The following MPRIP variants were observed in gnomAD, a reference collection of about 807,000 sequenced individuals.
MPRIP encodes the protein myosin phosphatase Rho-interacting protein.
MPRIP carries 59 observed loss-of-function variants against 234.9 expected under a neutral mutation model. The ratio of observed to expected loss-of-function variants is 0.25; its 90% CI spans 0.20 to 0.31. The LOEUF (loss-of-function observed/expected upper bound fraction) is 0.31. Ranked by LOEUF, MPRIP falls within the 10% of genes least tolerant of loss-of-function variation. The pLI, the probability that MPRIP is intolerant of heterozygous loss-of-function variation, is 1.00. For synonymous variants in MPRIP, 1,144 were observed against 1,263.9 expected, an observed-to-expected ratio of 0.91 and a Z score of 2.01; for missense variants, 2,436 against 3,071.0, an observed-to-expected ratio of 0.79 and a Z score of 4.89.
chr17:17,167,184 C>T lies in MPRIP; in HGVS notation c.5593C>T (p.Leu1865Phe), dbSNP rs1476688296. ...GCTAGAATATGAGAAGGAGCTCCAGCTCTGCAAGGAGTCCTGGCAAACCCG... is the reference window on the plus strand; with the variant it reads ...GCTAGAATATGAGAAGGAGCTCCAGTTCTGCAAGGAGTCCTGGCAAACCCG... ...IRLEYEKELQ[L>F]CKESWQTREP... Residue 1865 changes from leucine (L) to phenylalanine (F), a missense_variant, in exon 16 of 24, where the codon CTC (leucine) becomes TTC (phenylalanine). Around this residue, in one of 4 missense-constraint regions of MPRIP, gnomAD observed 1,998 missense variants for 2,520.3 expected, o/e 0.79. Coordinates refer to ENST00000651222, the MANE Select transcript of MPRIP (RefSeq NM_001364716.4). The surrounding 1 kb of genome is among the most constrained non-coding windows in gnomAD (Gnocchi z 5.9). 4.6e-6 allele frequency: 6 copies of T among 1,303,968 alleles called. No homozygotes were observed. The highest frequency in any genetic ancestry group is 1.5e-5 in the African/African-American group (1 of 65,814). 80.8% of individuals were successfully genotyped at this position (1,303,968 alleles called of 1,614,324 possible). A position where few individuals can be genotyped will look rare whatever the true frequency, so the allele number is the denominator to read the frequency against.
Position 17,186,566 on chromosome 17 carries a change from A to G in MPRIP, c.*1672A>G, listed in dbSNP as rs2046479066. On this transcript the variant is annotated 3_prime_UTR_variant, in exon 24 of 24. Transcript: ENST00000651222. ...GAAAATTGGGTTTGTTTAAAAATCT[A>G]CTTCTCTGAGGTGGCACAGTTGCGT... The G allele has an allele frequency of 6.6e-6, 1 of 152,176 alleles. No homozygotes were observed. Among genetic ancestry groups the G allele is most frequent in the Non-Finnish European group, 1.5e-5 (1 of 68,036 alleles). The allele number at this position is 152,176 out of a possible 1,614,324, so 9.4% of individuals were successfully genotyped here.
chr17:17,174,172 C>T, intron 19 of MPRIP, 97 bp downstream of exon 19: 1 of 1,415,098 alleles, frequency 7.1e-7, no homozygotes, highest in Non-Finnish European at 9.6e-7. Flanking sequence ...TGGAGCCAGG[C>T]CTCACCCTCA....
intron 9 of MPRIP, among the ~76,000 whole-genome samples, chr17:17,145,550 G>A (rs1300041882): frequency 1.3e-5 from 2 of 152,216 alleles, no homozygotes; most frequent in Admixed American, 6.5e-5. Flanking sequence ...GAAATGGCCT[G>A]AGGGTCTCAG....
chr17:17,088,331 A>G (rs185416837), intron 3 of MPRIP, among the ~76,000 whole-genome samples: 60 of 152,358 alleles, frequency 3.9e-4, no homozygotes, highest in Admixed American at 2.5e-3. Context: ...GGTACCCTGC[A>G]GCGTGAAGGC....
chr17:17,167,265 G>A lies in MPRIP; in HGVS notation c.5674G>A (p.Glu1892Lys), dbSNP rs1360498278. The part of the protein sequence containing the change: ...QAARALREEY[E>K]ELLRKQKSEY... ...AGCCCGGGCCCTGAGGGAGGAGTAT[G>A]AGGAGCTTCTCCGCAAGCAGAAGAG... The change falls in exon 16 of 24, where the codon GAG becomes AAG. Residue 1892 changes from glutamate (E) to lysine (K), a missense_variant. Coordinates refer to ENST00000651222, the MANE Select transcript of MPRIP (RefSeq NM_001364716.4). The surrounding 1 kb of genome is among the most constrained non-coding windows in gnomAD (Gnocchi z 5.9). 5 of 1,303,994 alleles carry A rather than the reference G, an allele frequency of 3.8e-6. No homozygotes were observed. The highest frequency in any genetic ancestry group is 1.1e-4 in the East Asian group (2 of 17,968). The allele number at this position is 1,303,994 out of a possible 1,614,324, so 80.8% of individuals were successfully genotyped here.
chr17:17,045,224 GGGAGGTGGTGGGCA>G (rs926391926), intron 1 of MPRIP, among the ~76,000 whole-genome samples: 21 of 152,236 alleles, frequency 1.4e-4, no homozygotes, highest in African/African-American at 4.6e-4. Context: ...ACTGGGCCCA[GGGAGGTGGTGGGCA>G]GCCTTGGCCG....
chr17:17,153,662 C>T (rs2045659711), intron 12 of MPRIP, among the ~76,000 whole-genome samples: 1 of 151,668 alleles, frequency 6.6e-6, no homozygotes. Context: ...CTCCCCAACC[C>T]AACCAGCCAG....
Position 17,191,979 on chromosome 17 carries a change from C to T in MPRIP, c.*7085C>T, listed in dbSNP as rs1049418449. On this transcript the variant is annotated 3_prime_UTR_variant, in exon 24 of 24. Transcript: ENST00000651222. ...GGTACAATTTATAAAAGGTAGAAAG[C>T]ATCCAAGTGGCTCCTCAACAATTAC... 8 of 152,182 alleles carry T rather than the reference C, an allele frequency of 5.3e-5. No homozygotes were observed. Among genetic ancestry groups the T allele is most frequent in the African/African-American group, 1.9e-4 (8 of 41,458 alleles). The allele number at this position is 152,182 out of a possible 1,614,324, so 9.4% of individuals were successfully genotyped here.
At chr17:17,060,783 C>T (rs2088845794) in intron 1 of MPRIP, among the ~76,000 whole-genome samples, 1 of 152,174 alleles carries the variant, frequency 6.6e-6, no homozygotes, top group African/African-American at 2.4e-5. Flanking sequence ...GGCTGTAGCT[C>T]CATCTTTAGT....
rs201908845 is a variant in MPRIP, at chr17:17,184,920, C to T, written c.*26C>T. ...GTGTGTCCCATCCAAGTTGAGCACG[C>T]GCCTTCCCCAGCTTGCAGCAGCACA... On this transcript the variant is annotated 3_prime_UTR_variant, in exon 24 of 24. Transcript: ENST00000651222. The T allele has an allele frequency of 4.0e-5, 62 of 1,558,482 alleles. No individual in the cohort carries two copies. The highest frequency in any genetic ancestry group is 2.2e-4 in the Middle Eastern group (1 of 4,496).
Position 17,171,731 on chromosome 17 carries a change from G to A in MPRIP, c.6338G>A (p.Arg2113Gln), listed in dbSNP as rs759725245. 2.2e-5 allele frequency: 35 copies of A among 1,612,858 alleles called. No homozygotes were observed. The highest frequency in any genetic ancestry group is 2.6e-5 in the Non-Finnish European group (31 of 1,179,992). ...DLESLKATCE[R>Q]GFAAMEETHQ... Reference sequence around the variant, plus strand: ...TGCATTTTGCAGGCCACGTGCGAGCGAGGGTTTGCAGCAATGGAAGAAACG... The same window carrying A: ...TGCATTTTGCAGGCCACGTGCGAGCAAGGGTTTGCAGCAATGGAAGAAACG... Residue 2113 changes from arginine (R) to glutamine (Q), a missense_variant, in exon 17 of 24, where the codon CGA becomes CAA. Physicochemically the swap from Arg to Gln is conservative, Grantham distance 43. Coordinates refer to ENST00000651222, the MANE Select transcript of MPRIP (RefSeq NM_001364716.4).
chr17:17,077,920 T>C, intron 2 of MPRIP, 91 bp from the exon 3 acceptor site: 2 of 1,264,022 alleles, frequency 1.6e-6, no homozygotes, highest in East Asian at 4.7e-5. Context: ...CTTCCTTAGA[T>C]ATGGACTTGT....
intron 1 of MPRIP, among the ~76,000 whole-genome samples, chr17:17,060,501 A>G (rs748602453): frequency 7.9e-5 from 12 of 152,136 alleles, no homozygotes; most frequent in East Asian, 1.9e-4. Flanking sequence ...TCCTGGCTCT[A>G]TTTACTTGGA....
intron 1 of MPRIP, among the ~76,000 whole-genome samples, chr17:17,069,162 C>A (rs2089130668): frequency 6.6e-6 from 1 of 152,120 alleles, no homozygotes; most frequent in South Asian, 2.1e-4. Context: ...TGAATTGACC[C>A]TTTTATCATT....
intron 3 of MPRIP, among the ~76,000 whole-genome samples, chr17:17,117,663 G>C (rs906914655): frequency 4.6e-5 from 7 of 152,206 alleles, no homozygotes; most frequent in Admixed American, 1.3e-4. Context: ...GAATTATGCT[G>C]CTACGATATG....
intron 13 of MPRIP, among the ~76,000 whole-genome samples, chr17:17,157,234 C>T (rs2045749117): frequency 6.6e-6 from 1 of 152,260 alleles, no homozygotes; most frequent in Non-Finnish European, 1.5e-5. Flanking sequence ...ATCTCTGCTT[C>T]TAGCAGATGG....
At chr17:17,067,790 CTTTTTTTTTTTTTTTT>C (rs35187618) in intron 1 of MPRIP, among the ~76,000 whole-genome samples, 1 of 76,748 alleles carries the variant, frequency 1.3e-5, no homozygotes, top group Non-Finnish European at 2.5e-5. Context: ...CTTCTTCTTC[CTTTTTTTTTTTTTTTT>C]TTTTTTTTAA....
At chr17:17,096,132 G>C (rs1261995400) in intron 3 of MPRIP, among the ~76,000 whole-genome samples, 2 of 152,184 alleles carry the variant, frequency 1.3e-5, no homozygotes, top group Non-Finnish European at 2.9e-5. Flanking sequence ...GTCGACACGT[G>C]TTGGTGTCCA....
rs1367759663 is a variant in MPRIP, at chr17:17,166,820, G to C, written c.5229G>C (p.Leu1743=). 3.8e-6 allele frequency: 5 copies of C among 1,304,228 alleles called. No homozygotes were observed. In the Admixed American group the frequency reaches 9.2e-5, roughly 24 times the overall value. The allele number at this position is 1,304,228 out of a possible 1,614,324, so 80.8% of individuals were successfully genotyped here. A position where few individuals can be genotyped will look rare whatever the true frequency, so the allele number is the denominator to read the frequency against. The change falls in exon 16 of 24, where the codon CTG becomes CTC. Residue 1743 remains leucine (L), a synonymous_variant. Coordinates refer to ENST00000651222, the MANE Select transcript of MPRIP (RefSeq NM_001364716.4). The surrounding 1 kb of genome is among the most constrained non-coding windows in gnomAD (Gnocchi z 4.4). ...LPAGHEDGVQ[L]SWDLSPLGEV... ...CGGGCCATGAAGATGGTGTTCAGCTGTCCTGGGACCTGAGCCCCTTAGGAG... is the reference window on the plus strand; with the variant it reads ...CGGGCCATGAAGATGGTGTTCAGCTCTCCTGGGACCTGAGCCCCTTAGGAG...
Sources: allele counts gnomAD v4.1 joint callset (sites outside exome capture counted in the v4.1 genomes callset), GRCh38; gene constraint gnomAD v4.1.1; regional missense constraint gnomAD v4.1.1; non-coding constraint Gnocchi (gnomAD v3.1); transcripts MANE v1.5; gene names NCBI Gene and HGNC (gene_info 2026-07-23, HGNC 2026-07-21).